SLC17A5: variants seen among roughly 807,000 people sequenced by gnomAD.
SLC17A5 encodes the protein sialin.
SLC17A5 carries 47 observed loss-of-function variants against 59.4 expected under a neutral mutation model. That is an observed-to-expected ratio of 0.79 (90% CI 0.63 to 1.01). The LOEUF is 1.01. Among genes scored for constraint, SLC17A5 ranks in the 50% least tolerant of loss-of-function variants. The pLI is 0.00. For synonymous variants in SLC17A5, 202 were observed against 210.7 expected (o/e 0.96, Z 0.36); for missense variants, 522 against 595.5 (o/e 0.88, Z 1.28).
chr6:73,652,637 A>G (rs1236398592), intron 1 of SLC17A5, among the ~76,000 whole-genome samples: 1 of 152,228 alleles, frequency 6.6e-6, no homozygotes, highest in Admixed American at 6.5e-5. Flanking sequence ...TTTGAACACT[A>G]CAAGCCACAG....
At chr6:73,615,596 G>A in intron 7 of SLC17A5, 149 bp from the exon 8 acceptor site, 3 of 818,886 alleles carry the variant, frequency 3.7e-6, no homozygotes, top group Non-Finnish European at 5.9e-6. Flanking sequence ...CAGTAAATAA[G>A]TCTGGCTGTC....
chr6:73,639,438 A>G (rs1006987712), intron 3 of SLC17A5, among the ~76,000 whole-genome samples: 1 of 152,248 alleles, frequency 6.6e-6, no homozygotes, highest in African/African-American at 2.4e-5. Context: ...GAATTAAAAA[A>G]AAGTAATACC....
At position 73,594,045 on chromosome 6, in the gene SLC17A5, G is replaced by C. The variant is rs1766687482; in HGVS notation, c.*1032C>G. ...ATTCTTTTTTTTTTTTTGAGTTGGA[G>C]TCTCGCTCCATCGCCCAGGCTGGAG... On this transcript the variant is annotated 3_prime_UTR_variant, in exon 11 of 11. Transcript: ENST00000355773. The C allele has an allele frequency of 6.6e-6, 1 of 150,606 alleles. No individual in the cohort carries two copies. Among genetic ancestry groups the C allele is most frequent in the African/African-American group, 2.4e-5 (1 of 40,948 alleles). 9.3% of individuals were successfully genotyped at this position (150,606 alleles called of 1,614,324 possible).
At chr6:73,607,484 T>C (rs938944861) in intron 9 of SLC17A5, among the ~76,000 whole-genome samples, 1 of 152,146 alleles carries the variant, frequency 6.6e-6, no homozygotes, top group Non-Finnish European at 1.5e-5. Flanking sequence ...CAGGCTGGTC[T>C]TGAACTCCTG....
chr6:73,605,265 A>C (rs1447841398), intron 9 of SLC17A5, among the ~76,000 whole-genome samples: 1 of 152,222 alleles, frequency 6.6e-6, no homozygotes, highest in East Asian at 1.9e-4. Context: ...TAAAAAAAAC[A>C]AAACACAGTA....
At chr6:73,644,747 T>C (rs1179884053) in intron 1 of SLC17A5, 144 bp from the exon 2 acceptor site, 2 of 698,590 alleles carry the variant, frequency 2.9e-6, no homozygotes, top group African/African-American at 1.8e-5. Flanking sequence ...GCTGTGATTA[T>C]AGGCATTGGC....
intron 7 of SLC17A5, among the ~76,000 whole-genome samples, chr6:73,617,550 C>A (rs1767928661): frequency 6.6e-6 from 1 of 152,118 alleles, no homozygotes; most frequent in South Asian, 2.1e-4. Context: ...AGTTGCAATG[C>A]TAAAAACTGC....
intron 1 of SLC17A5, among the ~76,000 whole-genome samples, chr6:73,644,925 A>C (rs1298835797): frequency 6.6e-6 from 1 of 152,196 alleles, no homozygotes; most frequent in African/African-American, 2.4e-5. Flanking sequence ...TGTTTCTCAT[A>C]TCTGTAGTTT....
chr6:73,639,660 G>C (rs1561998995), intron 3 of SLC17A5, among the ~76,000 whole-genome samples: 2 of 152,196 alleles, frequency 1.3e-5, no homozygotes, highest in Admixed American at 1.3e-4. Flanking sequence ...AGTAATCTAA[G>C]TGTCCTTTAT....
chr6:73,607,967 G>C (rs933158480), intron 9 of SLC17A5, among the ~76,000 whole-genome samples: 1 of 151,630 alleles, frequency 6.6e-6, no homozygotes, highest in African/African-American at 2.4e-5. Flanking sequence ...AGTAGAGATG[G>C]GGTTTCACCA....
chr6:73,626,896 C>A (rs12154139), intron 6 of SLC17A5, among the ~76,000 whole-genome samples: 20 of 150,674 alleles, frequency 1.3e-4, no homozygotes, highest in African/African-American at 4.6e-4. Context: ...CTCAGCCTCC[C>A]GAGTAGCTGG....
At chr6:73,611,220 C>T (rs1041334112) in intron 8 of SLC17A5, among the ~76,000 whole-genome samples, 8 of 152,296 alleles carry the variant, frequency 5.3e-5, no homozygotes, top group Admixed American at 4.6e-4. Context: ...GCACTCCAGC[C>T]TGGGTTGTCA....
chr6:73,637,442 T>C (rs1769067306), intron 4 of SLC17A5, among the ~76,000 whole-genome samples: 1 of 152,230 alleles, frequency 6.6e-6, no homozygotes, highest in African/African-American at 2.4e-5. Flanking sequence ...AGATTTCTCA[T>C]GTCAATCTCA....
intron 9 of SLC17A5, among the ~76,000 whole-genome samples, chr6:73,601,764 A>T (rs376574794): frequency 2.0e-5 from 1 of 50,228 alleles, no homozygotes; most frequent in Non-Finnish European, 4.1e-5. Context: ...GCCCCTACTG[A>T]GAAGTGAGGA....
At chr6:73,651,496 T>C (rs964418554) in intron 1 of SLC17A5, among the ~76,000 whole-genome samples, 1 of 146,700 alleles carries the variant, frequency 6.8e-6, no homozygotes, top group Admixed American at 7.1e-5. Flanking sequence ...CAGGACATAA[T>C]TGAGGAAATA....
intron 4 of SLC17A5, among the ~76,000 whole-genome samples, chr6:73,638,021 A>T (rs1769102223): frequency 6.6e-6 from 1 of 152,174 alleles, no homozygotes; most frequent in South Asian, 2.1e-4. Flanking sequence ...CAATTTAAGG[A>T]CAAAAACACT....
intron 9 of SLC17A5, among the ~76,000 whole-genome samples, chr6:73,607,282 ATT>A (rs71000137): frequency 3.5e-5 from 5 of 144,002 alleles, no homozygotes; most frequent in Non-Finnish European, 3.0e-5. Context: ...CAATAGCACT[ATT>A]TTTTTTTTTT....
intron 10 of SLC17A5, among the ~76,000 whole-genome samples, chr6:73,599,845 C>G (rs937277991): frequency 1.3e-5 from 2 of 151,226 alleles, no homozygotes; most frequent in Non-Finnish European, 2.9e-5. Flanking sequence ...TGTTGCCAGA[C>G]TGGAGTGCAG....
intron 9 of SLC17A5, among the ~76,000 whole-genome samples, chr6:73,605,930 T>C (rs1219259956): frequency 6.6e-6 from 1 of 151,878 alleles, no homozygotes; most frequent in Admixed American, 6.6e-5. Context: ...TGAGCTGAGA[T>C]TGCACCATTG....
Sources: gnomAD v4.1 joint callset for allele counts (sites outside exome capture counted in the v4.1 genomes callset) on GRCh38, gnomAD v4.1.1 for gene constraint, MANE v1.5 for transcripts, NCBI Gene and HGNC (gene_info 2026-07-23, HGNC 2026-07-21) for gene names.